Variants in GPHN observed in about 807,000 individuals in gnomAD.
GPHN encodes gephyrin.
A neutral mutation model predicts 95.5 loss-of-function variants in GPHN; 17 were observed. The observed-to-expected ratio is 0.18, with a 90% CI of 0.12 to 0.27. GPHN has a LOEUF of 0.27. Ranked by LOEUF, GPHN falls within the 10% of genes least tolerant of loss-of-function variation. The probability of loss-of-function intolerance (pLI) is 1.00; values close to 1 mark genes in which losing one functional copy is unlikely to be tolerated. For missense variants in GPHN, 660 were observed against 978.1 expected (o/e 0.67, Z 4.34); for synonymous variants, 320 against 322.5 (o/e 0.99, Z 0.08).
At chr14:66,744,186 C>T (rs1271318520) in intron 2 of GPHN, among the ~76,000 whole-genome samples, 1 of 152,172 alleles carries the variant, frequency 6.6e-6, no homozygotes, top group Admixed American at 6.5e-5. Flanking sequence ...TAAGTTACTG[C>T]CTATTCTGAG....
In GPHN at chr14:67,154,774, T is replaced by C. The variant is rs541158761; in HGVS notation, c.1837-4641T>C. The stretch of plus-strand genomic sequence containing the variant: ...AGCATATAAGAAAGACCTGAAGATT[T>C]CTGCTTCTGCTATGATAGAATAGCA... On this transcript the variant is annotated intron_variant, in intron 18 of 22. Coordinates refer to ENST00000478722, the MANE Select transcript of GPHN (RefSeq NM_020806.5). Among the ~76,000 whole-genome samples the C allele has an allele frequency of 2.0e-5, 3 of 152,232 alleles. No individual in the cohort carries two copies. The South Asian group carries it at 6.2e-4, about 32-fold the overall frequency.
chr14:66,842,618 A>G lies in GPHN; in HGVS notation c.294+18052A>G, dbSNP rs2062145151. ...ACCAGTTTGTACAGCCCTAAATTTGACCTGCTTTCCTCAAACTGGGAGTCA... is the reference window on the plus strand; with the variant it reads ...ACCAGTTTGTACAGCCCTAAATTTGGCCTGCTTTCCTCAAACTGGGAGTCA... On this transcript the variant is annotated intron_variant, in intron 4 of 22. Coordinates refer to ENST00000478722, the MANE Select transcript of GPHN (RefSeq NM_020806.5). 7 of 1,269,392 alleles carry G rather than the reference A, an allele frequency of 5.5e-6. No individual in the cohort carries two copies. The East Asian group carries it at 1.8e-4, about 32-fold the overall frequency. The allele number at this position is 1,269,392 out of a possible 1,614,324, so 78.6% of individuals were successfully genotyped here.
chr14:67,562,672 C>T, the GPHN span: 5 of 1,612,562 alleles, frequency 3.1e-6, no homozygotes, highest in Middle Eastern at 1.6e-4. Context: ...GTGTGGTGAA[C>T]ATTGAGACTG....
chr14:67,719,669 G>A, the GPHN span, among the ~76,000 whole-genome samples: 1 of 151,738 alleles, frequency 6.6e-6, no homozygotes, highest in Admixed American at 6.6e-5. Flanking sequence ...GTAGAGACGG[G>A]GTCTCACTAT....
chr14:66,690,856 A>C (rs1406335974), intron 2 of GPHN, among the ~76,000 whole-genome samples: 1 of 152,228 alleles, frequency 6.6e-6, no homozygotes, highest in Non-Finnish European at 1.5e-5. Flanking sequence ...TGAAGGTCAC[A>C]TAAGGTTGAA....
At chr14:67,284,870 A>G in the GPHN span, among the ~76,000 whole-genome samples, 1 of 152,238 alleles carries the variant, frequency 6.6e-6, no homozygotes, top group Admixed American at 6.5e-5. Context: ...GTACAAATAT[A>G]CCACATCTTG....
intron 2 of GPHN, among the ~76,000 whole-genome samples, chr14:66,730,140 T>C (rs1372743631): frequency 6.6e-6 from 1 of 152,226 alleles, no homozygotes; most frequent in Non-Finnish European, 1.5e-5. Context: ...ATAGGGAGGC[T>C]GTGCAAGGAG....
At chr14:66,531,562 C>A (rs1338384590) in intron 1 of GPHN, among the ~76,000 whole-genome samples, 1 of 152,048 alleles carries the variant, frequency 6.6e-6, no homozygotes, top group Non-Finnish European at 1.5e-5. Context: ...TGCAGTCTTC[C>A]CAAATAGTAG....
At chr14:67,722,740 C>T in the GPHN span, 2 of 1,580,088 alleles carry the variant, frequency 1.3e-6, no homozygotes, top group Admixed American at 1.7e-5. Context: ...CTCAAACAAT[C>T]GTTTACAAAG....
the GPHN span, chr14:67,562,802 A>G: frequency 6.2e-7 from 1 of 1,613,812 alleles, no homozygotes; most frequent in South Asian, 1.1e-5. Flanking sequence ...GAATGAGGAA[A>G]GAGAGAGCCC....
At chr14:67,348,924 G>T in the GPHN span, 1 of 988,556 alleles carries the variant, frequency 1.0e-6, no homozygotes, top group Non-Finnish European at 1.5e-6. Flanking sequence ...CAATCAACTT[G>T]TTCTAAGTAG....
At chr14:66,827,360 C>T (rs1254879909) in intron 4 of GPHN, among the ~76,000 whole-genome samples, 1 of 151,694 alleles carries the variant, frequency 6.6e-6, no homozygotes, top group African/African-American at 2.4e-5. Context: ...TGCTATCACT[C>T]AGGAAATTCC....
At chr14:67,332,245 C>A in the GPHN span, among the ~76,000 whole-genome samples, 1 of 152,112 alleles carries the variant, frequency 6.6e-6, no homozygotes, top group South Asian at 2.1e-4. Context: ...ATGGCCCTTT[C>A]CTTCAGTCAG....
At chr14:66,624,329 C>T (rs956452248) in intron 1 of GPHN, among the ~76,000 whole-genome samples, 2 of 152,056 alleles carry the variant, frequency 1.3e-5, no homozygotes, top group Non-Finnish European at 2.9e-5. Flanking sequence ...CACCTTGGTC[C>T]GTGTTTTAGT....
the GPHN span, among the ~76,000 whole-genome samples, chr14:67,507,480 G>A: frequency 1.6e-4 from 24 of 152,166 alleles, no homozygotes; most frequent in South Asian, 2.1e-4. Context: ...CCAGGGTCTC[G>A]GTCTTTTGTC....
At chr14:67,035,961 C>G (rs1437254974) in intron 10 of GPHN, among the ~76,000 whole-genome samples, 1 of 151,470 alleles carries the variant, frequency 6.6e-6, no homozygotes, top group Non-Finnish European at 1.5e-5. Flanking sequence ...AAAAAGATAA[C>G]TGATAAAAAA....
At chr14:67,568,978 G>A in the GPHN span, 49 of 589,826 alleles carry the variant, frequency 8.3e-5, no homozygotes, top group Admixed American at 2.4e-4. Context: ...AGAGGAAAAT[G>A]AGTCTCAGAA....
chr14:66,625,791 G>A (rs1055157257), intron 1 of GPHN, among the ~76,000 whole-genome samples: 1 of 152,070 alleles, frequency 6.6e-6, no homozygotes, highest in African/African-American at 2.4e-5. Context: ...AGTTTAATCT[G>A]TGCTATTTAT....
At chr14:66,745,507 T>G (rs934927253) in intron 2 of GPHN, among the ~76,000 whole-genome samples, 15 of 152,068 alleles carry the variant, frequency 9.9e-5, no homozygotes, top group Admixed American at 7.2e-4. Flanking sequence ...ATTTATAGAT[T>G]TTTTGATTCA....
Sources: allele counts gnomAD v4.1 joint callset (sites outside exome capture counted in the v4.1 genomes callset), GRCh38; gene constraint gnomAD v4.1.1; transcripts MANE v1.5; gene names NCBI Gene and HGNC (gene_info 2026-07-23, HGNC 2026-07-21).